The following GRID2 variants were observed in gnomAD, a reference collection of about 807,000 sequenced individuals.
GRID2 encodes the protein glutamate receptor ionotropic, delta-2.
A neutral mutation model predicts 114.8 loss-of-function variants in GRID2; 33 were observed. That is an observed-to-expected ratio of 0.29 (90% CI 0.22 to 0.38). GRID2 has a LOEUF of 0.38. GRID2 is among the 10% of genes least tolerant of loss of function. The pLI, the probability that GRID2 is intolerant of heterozygous loss-of-function variation, is 1.00. For synonymous variants in GRID2, 505 were observed against 449.9 expected (o/e 1.12, Z -1.55); for missense variants, 1,184 against 1,257.7 (o/e 0.94, Z 0.89).
chr4:93,284,709 G>A (rs1752968831), intron 8 of GRID2, among the ~76,000 whole-genome samples: 1 of 151,540 alleles, frequency 6.6e-6, no homozygotes. Flanking sequence ...TAATTATATG[G>A]TGACAGAATG....
chr4:92,570,433 A>AT (rs1727553519), intron 1 of GRID2, among the ~76,000 whole-genome samples: 1 of 152,016 alleles, frequency 6.6e-6, no homozygotes, highest in African/African-American at 2.4e-5. Context: ...TGTCTTGGTT[A>AT]TTTGGGCTCT....
intron 7 of GRID2, among the ~76,000 whole-genome samples, chr4:93,231,225 C>G (rs536189204): frequency 6.6e-6 from 1 of 151,798 alleles, no homozygotes; most frequent in South Asian, 2.1e-4. Context: ...AAATAGAAAT[C>G]ATTTTTCATT....
At chr4:93,051,538 T>A (rs1313639068) in intron 2 of GRID2, among the ~76,000 whole-genome samples, 1 of 152,008 alleles carries the variant, frequency 6.6e-6, no homozygotes, top group Non-Finnish European at 1.5e-5. Flanking sequence ...CCCTCAACTT[T>A]ACAGCTGAGA....
At chr4:92,500,113 G>GT (rs1268662646) in intron 1 of GRID2, among the ~76,000 whole-genome samples, 1 of 151,930 alleles carries the variant, frequency 6.6e-6, no homozygotes, top group African/African-American at 2.4e-5. Context: ...AGTGTGCAAG[G>GT]TTTTTTCTTT....
intron 4 of GRID2, among the ~76,000 whole-genome samples, chr4:93,174,163 A>G (rs530535881): frequency 2.0e-5 from 3 of 152,296 alleles, no homozygotes; most frequent in East Asian, 3.9e-4. Context: ...GTTTAACTCA[A>G]TGCAGTGTTA....
chr4:92,453,979 C>T (rs1721078426), intron 1 of GRID2, among the ~76,000 whole-genome samples: 1 of 152,162 alleles, frequency 6.6e-6, no homozygotes, highest in African/African-American at 2.4e-5. Context: ...CACTAAACCA[C>T]AGCATGCACA....
intron 2 of GRID2, among the ~76,000 whole-genome samples, chr4:92,988,845 G>A (rs1236401034): frequency 6.6e-6 from 1 of 152,172 alleles, no homozygotes; most frequent in Non-Finnish European, 1.5e-5. Flanking sequence ...TTTGGGAACT[G>A]TAAGGTCTAA....
intron 8 of GRID2, among the ~76,000 whole-genome samples, chr4:93,256,348 G>A (rs1827508): frequency 0.69 from 104,481 of 151,760 alleles, 36,469 homozygotes; most frequent in Middle Eastern, 0.85. Flanking sequence ...AATTTTGGAC[G>A]AAGTATTTTC....
chr4:93,565,005 T>A (rs1371635360), intron 13 of GRID2, among the ~76,000 whole-genome samples: 1 of 152,070 alleles, frequency 6.6e-6, no homozygotes, highest in Non-Finnish European at 1.5e-5. Flanking sequence ...AAAGAAATAT[T>A]ATATGGCTTT....
chr4:92,834,002 A>G (rs1037482496), intron 2 of GRID2: 5 of 152,246 alleles, frequency 3.3e-5, no homozygotes, highest in Admixed American at 2.6e-4. Flanking sequence ...TTCATGTCAA[A>G]TAAGTTAGGT....
chr4:93,129,004 G>C (rs569712448), intron 4 of GRID2, among the ~76,000 whole-genome samples: 15 of 152,082 alleles, frequency 9.9e-5, no homozygotes, highest in Non-Finnish European at 1.8e-4. Flanking sequence ...TGCCATGAAA[G>C]CAAACTAAAG....
intron 2 of GRID2, among the ~76,000 whole-genome samples, chr4:93,055,598 T>C (rs528178534): frequency 1.3e-5 from 2 of 152,072 alleles, no homozygotes; most frequent in Admixed American, 6.6e-5. Context: ...ACTTAGTATT[T>C]CTTGTAAGTT....
rs570252859 is a variant in GRID2, at chr4:93,164,897, C to T, written c.736-42507C>T. 6.5e-4 allele frequency: 165 copies of T among 255,566 alleles called. 1 individual carries two copies. Among genetic ancestry groups the T allele is most frequent in the African/African-American group, 3.2e-3 (144 of 45,516 alleles). The allele number at this position is 255,566 out of a possible 1,614,324, so 15.8% of individuals were successfully genotyped here. ...GATATTGACGTGTTAAGGAAAATAACGTATCTGCAGCCCCTTTCCAGAGAG... is the reference window on the plus strand; with the variant it reads ...GATATTGACGTGTTAAGGAAAATAATGTATCTGCAGCCCCTTTCCAGAGAG... On this transcript the variant is annotated intron_variant, in intron 4 of 15. Transcript: ENST00000282020.
chr4:93,742,817 C>T (rs1249412336), intron 14 of GRID2, among the ~76,000 whole-genome samples: 1 of 152,100 alleles, frequency 6.6e-6, no homozygotes, highest in Non-Finnish European at 1.5e-5. Flanking sequence ...TGAGACACAA[C>T]ATTGAAATTT....
chr4:93,017,093 C>T (rs1430075983), intron 2 of GRID2, among the ~76,000 whole-genome samples: 1 of 152,054 alleles, frequency 6.6e-6, no homozygotes, highest in Non-Finnish European at 1.5e-5. Context: ...CTTTAATCCC[C>T]TAAACAGATT....
intron 4 of GRID2, among the ~76,000 whole-genome samples, chr4:93,122,092 T>C (rs1733829754): frequency 6.6e-6 from 1 of 152,204 alleles, no homozygotes; most frequent in Admixed American, 6.5e-5. Context: ...ACAGAAGTTC[T>C]TATTTGTAAT....
chr4:93,344,923 T>C (rs1760054474), intron 8 of GRID2, among the ~76,000 whole-genome samples: 1 of 151,672 alleles, frequency 6.6e-6, no homozygotes, highest in South Asian at 2.1e-4. Flanking sequence ...GTTCCTCCAG[T>C]TTTATCCATG....
intron 8 of GRID2, among the ~76,000 whole-genome samples, chr4:93,391,171 TG>T (rs1245685260): frequency 2.0e-5 from 3 of 152,174 alleles, no homozygotes; most frequent in African/African-American, 7.2e-5. Context: ...ATCTTGCAGG[TG>T]GAAATACCAT....
chr4:93,652,206 T>C lies in GRID2; in HGVS notation c.2360+25771T>C, dbSNP rs566413269. Among the ~76,000 whole-genome samples, 4 of 152,066 alleles carry C rather than the reference T, an allele frequency of 2.6e-5. No individual in the cohort carries two copies. The East Asian group carries it at 5.8e-4, about 22-fold the overall frequency. ...GTGTCTTTATAAGAAGAGGTTAGAA[T>C]ACAGACATGCACAGAGGGAAGACCA... On this transcript the variant is annotated intron_variant, in intron 14 of 15. Coordinates refer to ENST00000282020, the MANE Select transcript of GRID2 (RefSeq NM_001510.4).
Sources: allele counts gnomAD v4.1 joint callset (sites outside exome capture counted in the v4.1 genomes callset), GRCh38; gene constraint gnomAD v4.1.1; transcripts MANE v1.5; gene names NCBI Gene and HGNC (gene_info 2026-07-23, HGNC 2026-07-21).